RBFOX1: variants seen among roughly 807,000 people sequenced by gnomAD.
RBFOX1 encodes RNA binding protein fox-1 homolog 1.
RBFOX1 carries 8 observed loss-of-function variants against 57.7 expected under a neutral mutation model. The ratio of observed to expected loss-of-function variants is 0.14; its 90% CI spans 0.08 to 0.25. The LOEUF (loss-of-function observed/expected upper bound fraction) is 0.25, where lower values mean the gene tolerates loss of function less well. Among genes scored for constraint, RBFOX1 ranks in the 10% least tolerant of loss-of-function variants. The pLI is 1.00. For synonymous variants in RBFOX1, 326 were observed against 222.4 expected (o/e 1.47, Z -4.15); for missense variants, 611 against 548.5 (o/e 1.11, Z -1.14).
At chr16:7,090,362 G>A (rs746442238) in intron 4 of RBFOX1, among the ~76,000 whole-genome samples, 30 of 152,218 alleles carry the variant, frequency 2.0e-4, no homozygotes, top group Middle Eastern at 6.8e-3. Context: ...AAAACTTTTT[G>A]CTGGGGGGAG....
intron 3 of RBFOX1, among the ~76,000 whole-genome samples, chr16:6,866,672 G>A (rs894884881): frequency 6.7e-6 from 1 of 149,996 alleles, no homozygotes; most frequent in Non-Finnish European, 1.5e-5. Flanking sequence ...CTTCCGAGTA[G>A]CTGGGACTAC....
At chr16:5,270,531 T>C in intron 1 of RBFOX1, 3 of 619,474 alleles carry the variant, frequency 4.8e-6, no homozygotes, top group Non-Finnish European at 9.0e-6. Context: ...TGTTCAACAA[T>C]GATTGAAACT....
chr16:7,023,744 T>C (rs367624232), intron 3 of RBFOX1, among the ~76,000 whole-genome samples: 1 of 152,078 alleles, frequency 6.6e-6, no homozygotes, highest in East Asian at 1.9e-4. Flanking sequence ...GTATCACTTA[T>C]CAATCCCTGT....
intron 1 of RBFOX1, among the ~76,000 whole-genome samples, chr16:6,276,334 T>C (rs1210852570): frequency 2.0e-5 from 3 of 152,182 alleles, no homozygotes; most frequent in Non-Finnish European, 4.4e-5. Flanking sequence ...GTGTTAGTTA[T>C]TGAGAGTCTT....
intron 3 of RBFOX1, among the ~76,000 whole-genome samples, chr16:5,798,794 G>A (rs970973265): frequency 6.6e-6 from 1 of 152,228 alleles, no homozygotes; most frequent in East Asian, 1.9e-4. Flanking sequence ...CCAGGGGTCT[G>A]AGCTGTGAGG....
At chr16:6,240,994 A>G (rs555277456) in intron 1 of RBFOX1, among the ~76,000 whole-genome samples, 2 of 152,176 alleles carry the variant, frequency 1.3e-5, no homozygotes, top group East Asian at 3.9e-4. Flanking sequence ...ACTCCTTCTG[A>G]CCACCTCCTC....
At chr16:7,710,372 A>G in intron 15 of RBFOX1, 1 of 1,354,530 alleles carries the variant, frequency 7.4e-7, no homozygotes, top group South Asian at 1.8e-5. Flanking sequence ...TCCAGCTTAT[A>G]ATAGAGTCCT....
chr16:5,453,546 GTGT>G (rs1197370509), intron 1 of RBFOX1, among the ~76,000 whole-genome samples: 1 of 152,116 alleles, frequency 6.6e-6, no homozygotes, highest in Admixed American at 6.5e-5. Context: ...CATGGGTCAG[GTGT>G]TGTTCTGCCT....
chr16:6,155,762 C>A (rs977499940), intron 1 of RBFOX1, among the ~76,000 whole-genome samples: 1 of 152,136 alleles, frequency 6.6e-6, no homozygotes, highest in Non-Finnish European at 1.5e-5. Context: ...GCGGCGGCTT[C>A]CATGTGGGAC....
chr16:6,219,799 C>T (rs2097360046), intron 1 of RBFOX1, among the ~76,000 whole-genome samples: 2 of 152,040 alleles, frequency 1.3e-5, no homozygotes, highest in African/African-American at 2.4e-5. Flanking sequence ...TCACTTGAAC[C>T]CAGAAGGCGG....
intron 1 of RBFOX1, among the ~76,000 whole-genome samples, chr16:6,279,504 T>C (rs897492972): frequency 1.5e-4 from 23 of 152,164 alleles, no homozygotes; most frequent in Admixed American, 1.2e-3. Flanking sequence ...AAAGATTCCA[T>C]GGAAACTTTA....
chr16:7,460,966 A>C (rs141011634), intron 4 of RBFOX1, among the ~76,000 whole-genome samples: 2 of 152,246 alleles, frequency 1.3e-5, no homozygotes, highest in South Asian at 2.1e-4. Context: ...ATCAAGATTG[A>C]TCTCCTTGAC....
chr16:6,783,199 C>A (rs1037488130), intron 3 of RBFOX1, among the ~76,000 whole-genome samples: 3 of 151,770 alleles, frequency 2.0e-5, no homozygotes, highest in African/African-American at 4.8e-5. Flanking sequence ...AGCTAGTCTG[C>A]CTTTTATTTG....
At chr16:6,481,512 G>C (rs960769348) in intron 2 of RBFOX1, among the ~76,000 whole-genome samples, 2 of 152,212 alleles carry the variant, frequency 1.3e-5, no homozygotes, top group African/African-American at 4.8e-5. Flanking sequence ...CCTTGCTTTT[G>C]TGAACTGATT....
intron 4 of RBFOX1, among the ~76,000 whole-genome samples, chr16:7,488,051 C>G (rs2065885247): frequency 6.6e-6 from 1 of 152,116 alleles, no homozygotes; most frequent in South Asian, 2.1e-4. Context: ...GAAGTAATCA[C>G]TGGAGGTGAT....
At chr16:6,697,300 A>G (rs1170701032) in intron 3 of RBFOX1, among the ~76,000 whole-genome samples, 1 of 152,120 alleles carries the variant, frequency 6.6e-6, no homozygotes, top group African/African-American at 2.4e-5. Flanking sequence ...TAGTCATGGT[A>G]CTTGACTTTG....
At chr16:6,910,615 G>A (rs79301530) in intron 3 of RBFOX1, among the ~76,000 whole-genome samples, 1 of 152,170 alleles carries the variant, frequency 6.6e-6, no homozygotes, top group Admixed American at 6.5e-5. Flanking sequence ...GGTTTTATGG[G>A]AGAAGGCAGT....
chr16:7,649,778 C>T (rs1354964509), intron 11 of RBFOX1, among the ~76,000 whole-genome samples: 1 of 152,180 alleles, frequency 6.6e-6, no homozygotes, highest in Non-Finnish European at 1.5e-5. Flanking sequence ...CACCCTTACG[C>T]AGCTTGCATG....
chr16:6,890,525 A>G (rs1157564164), intron 3 of RBFOX1, among the ~76,000 whole-genome samples: 1 of 152,126 alleles, frequency 6.6e-6, no homozygotes, highest in African/African-American at 2.4e-5. Flanking sequence ...TCTCAAAACA[A>G]ACAAACAAAA....
Sources: gnomAD v4.1 joint callset for allele counts (sites outside exome capture counted in the v4.1 genomes callset) on GRCh38, gnomAD v4.1.1 for gene constraint, MANE v1.5 for transcripts, NCBI Gene and HGNC (gene_info 2026-07-23, HGNC 2026-07-21) for gene names.